The following RGS8 variants were observed in gnomAD, a reference collection of about 807,000 sequenced individuals.
The protein encoded by RGS8 is regulator of G-protein signaling 8.
In RGS8, 8 loss-of-function variants were observed where a neutral mutation model predicts 21.7. That is an observed-to-expected ratio of 0.37 (90% CI 0.22 to 0.66). RGS8 has a LOEUF of 0.66. Ranked by LOEUF, RGS8 falls within the 30% of genes least tolerant of loss-of-function variation. The pLI, the probability that RGS8 is intolerant of heterozygous loss-of-function variation, is 0.59. For missense variants in RGS8, 157 were observed against 217.9 expected (o/e 0.72, Z 1.76); for synonymous variants, 80 against 83.6 (o/e 0.96, Z 0.24).
chr1:182,726,177 C>T, the RGS8 span, among the ~76,000 whole-genome samples: 8 of 145,656 alleles, frequency 5.5e-5, no homozygotes, highest in Middle Eastern at 3.5e-3. Context: ...CTATGTGATG[C>T]TAATCTCAAA....
At chr1:182,650,590 AGTT>A (rs931998624) in intron 5 of RGS8, among the ~76,000 whole-genome samples, 1 of 152,222 alleles carries the variant, frequency 6.6e-6, no homozygotes, top group Non-Finnish European at 1.5e-5. Context: ...GGCCGGGTGC[AGTT>A]GTTCATACCT....
At chr1:182,719,901 A>G in the RGS8 span, among the ~76,000 whole-genome samples, 1 of 152,002 alleles carries the variant, frequency 6.6e-6, no homozygotes, top group Admixed American at 6.6e-5. Context: ...TTTTCCTCCA[A>G]TCTCTCTAAT....
At chr1:182,680,977 C>G (rs1261681538) in intron 1 of RGS8, among the ~76,000 whole-genome samples, 1 of 152,222 alleles carries the variant, frequency 6.6e-6, no homozygotes, top group African/African-American at 2.4e-5. Flanking sequence ...GGCTTAGGAC[C>G]TTGCCTTCTC....
At chr1:182,689,043 C>A (rs552025170), upstream of RGS8, among the ~76,000 whole-genome samples, 1 of 152,078 alleles carries the variant, frequency 6.6e-6, no homozygotes, top group South Asian at 2.1e-4. Context: ...TGGTAGTAAC[C>A]GAAAACTAAC....
At chr1:182,649,424 T>G (rs16859365) in intron 5 of RGS8, among the ~76,000 whole-genome samples, 10,797 of 152,102 alleles carry the variant, frequency 0.071, 727 homozygotes, top group African/African-American at 0.16. Flanking sequence ...AAGCCTCTTT[T>G]AAAAAAAACC....
chr1:182,645,802 T>C (rs1039401995), downstream of RGS8: 1 of 152,154 alleles, frequency 6.6e-6, no homozygotes, highest in African/African-American at 2.4e-5. Context: ...CACTCCATGC[T>C]ATAGGAATTC....
the RGS8 span, among the ~76,000 whole-genome samples, chr1:182,696,785 G>A: frequency 3.9e-5 from 6 of 152,192 alleles, no homozygotes; most frequent in Non-Finnish European, 8.8e-5. Context: ...ATGAATCTCT[G>A]AGTCATTTAG....
the RGS8 span, among the ~76,000 whole-genome samples, chr1:182,731,899 T>C: frequency 4.8e-3 from 726 of 152,278 alleles, 6 homozygotes; most frequent in African/African-American, 0.016. Flanking sequence ...CTAAAGCAGA[T>C]TGCTGAACAA....
chr1:182,729,406 G>A, the RGS8 span, among the ~76,000 whole-genome samples: 1 of 152,140 alleles, frequency 6.6e-6, no homozygotes, highest in Admixed American at 6.6e-5. Context: ...GCAAAAGTGG[G>A]AAACTTCCAT....
the RGS8 span, among the ~76,000 whole-genome samples, chr1:182,704,241 A>G: frequency 6.6e-6 from 1 of 152,176 alleles, no homozygotes; most frequent in African/African-American, 2.4e-5. Context: ...CCACAGAATC[A>G]CTTCCCTGGG....
chr1:182,729,995 A>C, the RGS8 span, among the ~76,000 whole-genome samples: 3 of 152,212 alleles, frequency 2.0e-5, no homozygotes, highest in South Asian at 4.1e-4. Flanking sequence ...AGGCTGGTGA[A>C]GAAAAAAGTT....
chr1:182,671,508 G>T (rs555439030), intron 2 of RGS8, 149 bp downstream of exon 3: 2 of 680,394 alleles, frequency 2.9e-6, no homozygotes, highest in African/African-American at 3.6e-5. Flanking sequence ...AAAGAACAAA[G>T]ATTTACAAAG....
intron 3 of RGS8, among the ~76,000 whole-genome samples, chr1:182,668,968 C>T (rs1664016455): frequency 6.6e-6 from 1 of 152,192 alleles, no homozygotes; most frequent in African/African-American, 2.4e-5. Flanking sequence ...ATAAAACATT[C>T]AGGTCACTGC....
chr1:182,740,639 G>C, the RGS8 span, among the ~76,000 whole-genome samples: 2 of 144,122 alleles, frequency 1.4e-5, no homozygotes, highest in South Asian at 2.3e-4. Flanking sequence ...ATAGTGGAGG[G>C]AAGGTCAGCA....
the RGS8 span, among the ~76,000 whole-genome samples, chr1:182,716,128 T>TG: frequency 4.7e-5 from 7 of 150,026 alleles, no homozygotes; most frequent in African/African-American, 1.5e-4. Context: ...GTTTTTTGGT[T>TG]TTTTTTTTTT....
intron 1 of RGS8, among the ~76,000 whole-genome samples, chr1:182,680,846 C>A (rs766892347): frequency 1.3e-5 from 2 of 152,184 alleles, no homozygotes; most frequent in Non-Finnish European, 2.9e-5. Flanking sequence ...GGTGAGGAAA[C>A]TGTGTTTGGT....
chr1:182,657,378 G>GTA (rs1663336922), intron 5 of RGS8, among the ~76,000 whole-genome samples: 3 of 152,010 alleles, frequency 2.0e-5, no homozygotes, highest in Admixed American at 1.3e-4. Context: ...TCCATGAACT[G>GTA]TAGTTGGTTC....
chr1:182,743,324 CT>C, the RGS8 span, among the ~76,000 whole-genome samples: 1 of 152,010 alleles, frequency 6.6e-6, no homozygotes, highest in African/African-American at 2.4e-5. Context: ...GGGACATGTC[CT>C]GAAGTGGGTC....
At chr1:182,705,224 G>A in the RGS8 span, among the ~76,000 whole-genome samples, 1 of 152,114 alleles carries the variant, frequency 6.6e-6, no homozygotes, top group African/African-American at 2.4e-5. Flanking sequence ...CATGACACAT[G>A]GTAAAAACCC....
Sources: allele counts gnomAD v4.1 joint callset (sites outside exome capture counted in the v4.1 genomes callset), GRCh38; gene constraint gnomAD v4.1.1; transcripts MANE v1.5; gene names NCBI Gene and HGNC (gene_info 2026-07-23, HGNC 2026-07-21).